Variants in PTPRE observed in about 807,000 individuals in gnomAD.
PTPRE encodes protein tyrosine phosphatase receptor type E, also known as receptor-type tyrosine-protein phosphatase epsilon.
A neutral mutation model predicts 102.0 loss-of-function variants in PTPRE; 51 were observed. The ratio of observed to expected loss-of-function variants is 0.50; its 90% CI spans 0.40 to 0.63. The LOEUF (loss-of-function observed/expected upper bound fraction) is 0.63, where lower values mean the gene tolerates loss of function less well. PTPRE is among the 30% of genes least tolerant of loss of function. The pLI is 0.00. For missense variants in PTPRE, 752 were observed against 915.1 expected (o/e 0.82, Z 2.30); for synonymous variants, 345 against 348.2 (o/e 0.99, Z 0.10).
At chr10:127,908,452 G>A (rs902949848) in intron 1 of PTPRE, among the ~76,000 whole-genome samples, 1 of 152,068 alleles carries the variant, frequency 6.6e-6, no homozygotes, top group East Asian at 1.9e-4. Context: ...GGGGAGGGGG[G>A]GTGTGGAGGG....
rs113043692 is a variant in PTPRE at position 128,005,552 on chromosome 10, G to C, written c.-8+23256G>C. Among the ~76,000 whole-genome samples the C allele has an allele frequency of 6.4e-3, 980 of 152,256 alleles. 11 individuals are homozygous for C. Among genetic ancestry groups the C allele is most frequent in the African/African-American group, 0.023 (944 of 41,566 alleles). ...TTTTAACATAATGTATTTGATGTCTGAAAAAATGGGTGAGTGATATGATAA... is the reference window on the plus strand; with the variant it reads ...TTTTAACATAATGTATTTGATGTCTCAAAAAATGGGTGAGTGATATGATAA... On this transcript the variant is annotated intron_variant, in intron 2 of 20. Transcript: ENST00000254667.
At position 128,082,946 on chromosome 10, in the gene PTPRE, T is replaced by C. The variant is rs1023843080; in HGVS notation, c.*40T>C. On this transcript the variant is annotated 3_prime_UTR_variant, in exon 21 of 21. Transcript: ENST00000254667. ...AAATATTTTTTAATTTAATGGTCAG[T>C]ATATTTTGTAAAAATCATGTTAATT... 4.1e-6 allele frequency: 6 copies of C among 1,456,338 alleles called. No homozygotes were observed. The allele number at this position is 1,456,338 out of a possible 1,614,324, so 90.2% of individuals were successfully genotyped here. A position where few individuals can be genotyped will look rare whatever the true frequency, so the allele number is the denominator to read the frequency against.
intron 17 of PTPRE, among the ~76,000 whole-genome samples, chr10:128,073,885 GTTT>G (rs1053123535): frequency 4.6e-5 from 7 of 152,110 alleles, no homozygotes; most frequent in African/African-American, 7.2e-5. Context: ...GTGTATTTGT[GTTT>G]TTATTTCTTT....
chr10:128,070,383 A>C lies in PTPRE; in HGVS notation c.1226A>C (p.Lys409Thr). The C allele has an allele frequency of 6.2e-7, 1 of 1,614,200 alleles. No individual in the cohort carries two copies. Among genetic ancestry groups the C allele is most frequent in the South Asian group, 1.1e-5 (1 of 91,090 alleles). Reference protein sequence around the residue: ...DTELDVSSLEKHLQTMHGTTT... With the variant: ...DTELDVSSLETHLQTMHGTTT... The stretch of plus-strand genomic sequence containing the variant: ...GAGCTGGACGTGTCCTCCCTGGAGA[A>C]GCACCTGCAGACCATGCACGGCACC... Residue 409 changes from lysine (K) to threonine (T), a missense_variant, in exon 14 of 21, where the codon AAG becomes ACG. Lys to Thr is a moderately conservative substitution (Grantham distance 78). Transcript: ENST00000254667. This position sits in a 1 kb window ranked among gnomAD's most constrained non-coding sequence, Gnocchi z 4.8.
chr10:127,930,938 G>A (rs372445034), intron 1 of PTPRE, among the ~76,000 whole-genome samples: 134 of 151,908 alleles, frequency 8.8e-4, no homozygotes, highest in African/African-American at 2.6e-3. Context: ...GATTACGAGC[G>A]CGTGCCACCA....
At chr10:128,034,325 A>ACCCCCCC (rs58597055) in intron 2 of PTPRE, among the ~76,000 whole-genome samples, 1 of 147,058 alleles carries the variant, frequency 6.8e-6, no homozygotes, top group Admixed American at 6.8e-5. Context: ...CCTCCACACC[A>ACCCCCCC]CCCCCCCCAC....
intron 1 of PTPRE, among the ~76,000 whole-genome samples, chr10:127,971,456 G>A (rs949647361): frequency 2.0e-5 from 3 of 152,192 alleles, no homozygotes; most frequent in Non-Finnish European, 4.4e-5. Flanking sequence ...CTATGTGGAG[G>A]AGTCGGTGAG....
At chr10:128,056,688 G>A (rs554937645) in intron 7 of PTPRE, among the ~76,000 whole-genome samples, 2 of 152,306 alleles carry the variant, frequency 1.3e-5, no homozygotes, top group South Asian at 4.1e-4. Context: ...TTTGTAGGTG[G>A]GCAGCAGCTT....
At chr10:127,996,315 C>A (rs1853259472) in intron 2 of PTPRE, among the ~76,000 whole-genome samples, 1 of 152,178 alleles carries the variant, frequency 6.6e-6, no homozygotes, top group South Asian at 2.1e-4. Context: ...GAAAGCTGGC[C>A]CGTCAAAATC....
intron 1 of PTPRE, among the ~76,000 whole-genome samples, chr10:127,918,837 T>C (rs1012317820): frequency 6.6e-6 from 1 of 152,126 alleles, no homozygotes; most frequent in Non-Finnish European, 1.5e-5. Context: ...TCAAGGAGTA[T>C]GAAGGAGTCT....
At chr10:127,920,026 C>A (rs185513626) in intron 1 of PTPRE, among the ~76,000 whole-genome samples, 1 of 151,998 alleles carries the variant, frequency 6.6e-6, no homozygotes, top group Admixed American at 6.6e-5. Context: ...CCAGGCTCGG[C>A]GTGCTGTGTC....
At position 128,050,682 on chromosome 10, in the gene PTPRE, G is replaced by A. The variant is rs750160572; in HGVS notation, c.420+1016G>A. On this transcript the variant is annotated intron_variant, in intron 6 of 20. Transcript: ENST00000254667. ...AACTGGTCCTGGCTATGCCTGTTGC[G>A]TGCTGGCCCTGGCACATCAGTTAAT... 2.0e-5 allele frequency among the ~76,000 whole-genome samples: 3 copies of A among 152,232 alleles called. No homozygotes were observed. The South Asian group carries it at 6.2e-4, about 32-fold the overall frequency.
chr10:127,918,507 C>T (rs1159635896), intron 1 of PTPRE, among the ~76,000 whole-genome samples: 2 of 148,730 alleles, frequency 1.3e-5, no homozygotes, highest in Admixed American at 6.8e-5. Flanking sequence ...TGCAGTGAGC[C>T]GAGATCACGC....
chr10:128,047,171 A>G (rs1368591563), intron 3 of PTPRE, among the ~76,000 whole-genome samples: 2 of 152,172 alleles, frequency 1.3e-5, no homozygotes, highest in South Asian at 2.1e-4. Flanking sequence ...TGGACAAGTC[A>G]CCTCACCCAC....
chr10:127,966,111 TA>T (rs1850228058), intron 1 of PTPRE, among the ~76,000 whole-genome samples: 1 of 152,182 alleles, frequency 6.6e-6, no homozygotes, highest in African/African-American at 2.4e-5. Context: ...AGGGCAACCC[TA>T]AAGAGAGGAC....
At chr10:128,003,154 A>G (rs1344849041) in intron 2 of PTPRE, among the ~76,000 whole-genome samples, 1 of 152,134 alleles carries the variant, frequency 6.6e-6, no homozygotes, top group Non-Finnish European at 1.5e-5. Flanking sequence ...AGGTGACTTG[A>G]CTGCTGTAAG....
intron 10 of PTPRE, among the ~76,000 whole-genome samples, chr10:128,063,960 G>T (rs1206592387): frequency 6.6e-6 from 1 of 152,350 alleles, no homozygotes; most frequent in South Asian, 2.1e-4. Flanking sequence ...TTAGGAGGCT[G>T]TGCTTCTGGC....
rs149533715 is a variant in PTPRE, at chr10:128,063,105, C to T, written c.648C>T (p.Asn216=). 43 of 1,614,082 alleles carry T rather than the reference C, an allele frequency of 2.7e-5. No individual in the cohort carries two copies. The highest frequency in any genetic ancestry group is 1.1e-4 in the African/African-American group (8 of 74,916). ...AAQGPKQETV[N]DFWRMVWEQK... ...CAGGTCCCAAACAGGAAACGGTTAA[C>T]GACTTCTGGAGAATGGTCTGGGAGC... Residue 216 remains asparagine (N), a synonymous_variant, in exon 10 of 21, where the codon AAC becomes AAT. Coordinates refer to ENST00000254667, the MANE Select transcript of PTPRE (RefSeq NM_006504.6).
Position 128,068,255 on chromosome 10 carries a change from G to A in PTPRE, c.976G>A (p.Val326Met), listed in dbSNP as rs777752534. The A allele has an allele frequency of 5.8e-5, 94 of 1,613,972 alleles. No individual in the cohort carries two copies. The highest frequency in any genetic ancestry group is 7.4e-5 in the Non-Finnish European group (87 of 1,179,966). Residue 326 changes from valine to methionine, a missense_variant, in exon 12 of 21, where the codon GTG (valine) becomes ATG (methionine). Coordinates refer to ENST00000254667, the MANE Select transcript of PTPRE (RefSeq NM_006504.6). ...FLKKVKTLNP[V>M]HAGPIVVHCS... ...CAAGAAAGTAAAGACGCTCAACCCC[G>A]TGCACGCTGGGCCCATCGTGGTCCA...
Sources: allele counts gnomAD v4.1 joint callset (sites outside exome capture counted in the v4.1 genomes callset), GRCh38; gene constraint gnomAD v4.1.1; non-coding constraint Gnocchi (gnomAD v3.1); transcripts MANE v1.5; gene names NCBI Gene and HGNC (gene_info 2026-07-23, HGNC 2026-07-21).